The following ARHGAP23 variants were observed in gnomAD, a reference collection of about 807,000 sequenced individuals.
The protein encoded by ARHGAP23 is rho GTPase-activating protein 23.
In ARHGAP23, 34 loss-of-function variants were observed where a neutral mutation model predicts 136.3. That is an observed-to-expected ratio of 0.25 (90% CI 0.19 to 0.33). ARHGAP23 has a LOEUF of 0.33. Ranked by LOEUF, ARHGAP23 falls within the 10% of genes least tolerant of loss-of-function variation. ARHGAP23 has a pLI of 1.00. For missense variants in ARHGAP23, 1,808 were observed against 2,139.0 expected, an observed-to-expected ratio of 0.85 and a Z score of 3.05; for synonymous variants, 832 against 920.5, an observed-to-expected ratio of 0.90 and a Z score of 1.74.
At chr17:38,482,707 A>C (rs2303992) in intron 16 of ARHGAP23, 29 bp downstream of exon 16, 16 of 1,534,720 alleles carry the variant, frequency 1.0e-5, no homozygotes, top group Admixed American at 2.0e-5. Flanking sequence ...TCTGTGGAAG[A>C]GGGGCTGAGA....
intron 11 of ARHGAP23, among the ~76,000 whole-genome samples, chr17:38,473,103 AT>A (rs59594005): frequency 0.28 from 36,611 of 129,876 alleles, 4,390 homozygotes; most frequent in African/African-American, 0.39. Flanking sequence ...AACCCGGCTA[AT>A]TTTTTTTTTT....
intron 8 of ARHGAP23, 62 bp from the exon 9 acceptor site, chr17:38,469,462 T>C (rs1205248712): frequency 3.1e-5 from 46 of 1,501,292 alleles, no homozygotes; most frequent in Non-Finnish European, 4.0e-5. Flanking sequence ...AAGGGAGGGC[T>C]CTGGGAAGCC....
In ARHGAP23 at chr17:38,419,580, TCACACACA is replaced by T. The variant is rs60358190; in HGVS notation, n.120+207_120+214del. On this transcript the variant is annotated intron_variant and non_coding_transcript_variant, in intron 1 of 4. Coordinates refer to the ARHGAP23 transcript ENST00000633445. ...GGATGGGACTGATGTGACACAGAGC[TCACACACA>T]CACACACACACACACACACACACAC... Among the ~76,000 whole-genome samples the T allele has an allele frequency of 2.5e-3, 363 of 143,162 alleles. 1 individual carries two copies. Among genetic ancestry groups the T allele is most frequent in the African/African-American group, 8.8e-3 (341 of 38,628 alleles). The allele number at this position is 143,162 out of a possible 152,430, so 93.9% of individuals were successfully genotyped here. A position where few individuals can be genotyped will look rare whatever the true frequency, so the allele number is the denominator to read the frequency against.
intron 6 of ARHGAP23, 85 bp downstream of exon 6, chr17:38,463,467 T>G (rs999857426): frequency 1.3e-5 from 20 of 1,489,654 alleles, no homozygotes; most frequent in Non-Finnish European, 1.7e-5. Context: ...AAGGAAGTGT[T>G]TGGAGGGCAC....
chr17:38,428,786 G>C (rs1343203135), intron 1 of ARHGAP23, among the ~76,000 whole-genome samples: 1 of 152,138 alleles, frequency 6.6e-6, no homozygotes, highest in Admixed American at 6.5e-5. Context: ...GGTCGGGACG[G>C]GCACGGGGCT....
chr17:38,490,043 C>T (rs1217662471), intron 17 of ARHGAP23, 59 bp from the exon 18 acceptor site: 16 of 1,500,034 alleles, frequency 1.1e-5, no homozygotes, highest in African/African-American at 2.8e-5. Flanking sequence ...GGCCCTTGGC[C>T]GGGAGAACAG....
chr17:38,466,251 T>C lies in ARHGAP23; in HGVS notation c.568T>C (p.Tyr190His), dbSNP rs1281669122. ...CATCCCAGAGCCACCCCCGATCTGCTACCCCCGCAAGACCTACGCCCCTCC... is the reference window on the plus strand; with the variant it reads ...CATCCCAGAGCCACCCCCGATCTGCCACCCCCGCAAGACCTACGCCCCTCC... ...RSIPEPPPIC[Y>H]PRKTYAPPAR... The change falls in exon 7 of 24, where the codon TAC becomes CAC. Residue 190 changes from tyrosine to histidine, a missense_variant. By Grantham distance (83) the Tyr-to-His change is moderately conservative. Coordinates refer to ENST00000622683, the MANE Select transcript of ARHGAP23 (RefSeq NM_001199417.2). 6.5e-7 allele frequency: 1 copy of C among 1,547,502 alleles called. No homozygotes were observed. The highest frequency in any genetic ancestry group is 8.7e-7 in the Non-Finnish European group (1 of 1,145,702).
At chr17:38,420,094 T>A (rs1479559474) in intron 1 of ARHGAP23, among the ~76,000 whole-genome samples, 1 of 152,084 alleles carries the variant, frequency 6.6e-6, no homozygotes, top group Non-Finnish European at 1.5e-5. Flanking sequence ...ATACACTGAG[T>A]GTGGGCTGGG....
chr17:38,466,575 C>A lies in ARHGAP23; in HGVS notation c.892C>A (p.Arg298Ser). The change falls in exon 7 of 24, where the codon CGC (arginine) becomes AGC (serine). Residue 298 changes from arginine to serine, a missense_variant. By Grantham distance (110) the Arg-to-Ser change is moderately radical. Transcript: ENST00000622683. ...ACACTGGCTGTCAAACCAGGTACCC[C>A]GCCGGGCGGGGGAGAGACGGTGCCC... is the stretch of plus-strand genomic sequence containing the variant. ...LSHWLSNQVP[R>S]RAGERRCPAM... The A allele has an allele frequency of 6.7e-7, 1 of 1,494,526 alleles. No individual in the cohort carries two copies. 92.6% of individuals were successfully genotyped at this position (1,494,526 alleles called of 1,614,324 possible).
At chr17:38,503,208 T>C (rs1458429274) in intron 23 of ARHGAP23, among the ~76,000 whole-genome samples, 3 of 151,878 alleles carry the variant, frequency 2.0e-5, no homozygotes, top group Admixed American at 6.6e-5. Flanking sequence ...CCAGGTGTAG[T>C]AGGAAGAGAG....
upstream of ARHGAP23, among the ~76,000 whole-genome samples, chr17:38,423,906 T>C (rs2038544797): frequency 6.6e-6 from 1 of 152,188 alleles, no homozygotes; most frequent in Non-Finnish European, 1.5e-5. Context: ...CCGTGCCCCA[T>C]AACCCACCTT....
In ARHGAP23 at chr17:38,467,165, G is replaced by A; in HGVS notation, c.1482G>A (p.Lys494=). ...DRGDEVVLRQ[K]PPTGRKVQLT... is the part of the protein sequence containing the mutation. ...GCGATGAGGTGGTCCTGAGGCAGAA[G>A]CCCCCGACGGGCCGCAAGGTTCAGC... The change falls in exon 7 of 24, where the codon AAG becomes AAA. Residue 494 remains lysine, a synonymous_variant. Coordinates refer to ENST00000622683, the MANE Select transcript of ARHGAP23 (RefSeq NM_001199417.2). 1.9e-6 allele frequency: 3 copies of A among 1,549,804 alleles called. No individual in the cohort carries two copies. Among genetic ancestry groups the A allele is most frequent in the Non-Finnish European group, 2.6e-6 (3 of 1,146,456 alleles).
intron 1 of ARHGAP23, among the ~76,000 whole-genome samples, chr17:38,439,346 C>T (rs2041221138): frequency 6.6e-6 from 1 of 152,168 alleles, no homozygotes; most frequent in African/African-American, 2.4e-5. Context: ...CTCCCTCCAC[C>T]ACTCAAATAT....
At chr17:38,460,140 A>T (rs2039423338) in intron 2 of ARHGAP23, among the ~76,000 whole-genome samples, 2 of 152,056 alleles carry the variant, frequency 1.3e-5, no homozygotes, top group South Asian at 2.1e-4. Flanking sequence ...CTCCTTCCTC[A>T]TTCCCCCACA....
chr17:38,497,241 C>T (rs1479114734), intron 20 of ARHGAP23, among the ~76,000 whole-genome samples: 4 of 152,192 alleles, frequency 2.6e-5, no homozygotes, highest in South Asian at 4.1e-4. Flanking sequence ...AGAAAGCTCT[C>T]GCCTCCTGCC....
At chr17:38,473,254 CGCTTACT>C (rs906099862) in intron 11 of ARHGAP23, among the ~76,000 whole-genome samples, 9 of 151,872 alleles carry the variant, frequency 5.9e-5, no homozygotes, top group Non-Finnish European at 1.0e-4. Context: ...GTGCCCAGCC[CGCTTACT>C]GCTATTTGAA....
At chr17:38,500,258 G>A in intron 22 of ARHGAP23, 1 of 361,020 alleles carries the variant, frequency 2.8e-6, no homozygotes, top group South Asian at 3.8e-5. Context: ...TCTCTCCAGT[G>A]CTTCAGAGTA....
chr17:38,489,043 T>C (rs1295941935), intron 17 of ARHGAP23, among the ~76,000 whole-genome samples: 1 of 151,712 alleles, frequency 6.6e-6, no homozygotes, highest in Non-Finnish European at 1.5e-5. Flanking sequence ...GCCCAGTTAA[T>C]TTTTATATTT....
intron 14 of ARHGAP23, 58 bp downstream of exon 14, chr17:38,479,941 G>T: frequency 2.0e-6 from 3 of 1,501,502 alleles, no homozygotes; most frequent in Non-Finnish European, 2.7e-6. Context: ...ATGGGGAGGG[G>T]AGGGCACGCG....
Sources: allele counts gnomAD v4.1 joint callset (sites outside exome capture counted in the v4.1 genomes callset), GRCh38; gene constraint gnomAD v4.1.1; transcripts MANE v1.5; gene names NCBI Gene and HGNC (gene_info 2026-07-23, HGNC 2026-07-21).